The following CDC14A variants were observed in gnomAD, a reference collection of about 807,000 sequenced individuals.
CDC14A encodes dual specificity protein phosphatase CDC14A.
In CDC14A, 53 loss-of-function variants were observed where a neutral mutation model predicts 74.4. The ratio of observed to expected loss-of-function variants is 0.71; its 90% CI spans 0.57 to 0.89. The LOEUF (loss-of-function observed/expected upper bound fraction) is 0.89, where lower values mean the gene tolerates loss of function less well. CDC14A is among the 40% of genes least tolerant of loss of function. CDC14A has a pLI of 0.00. For synonymous variants in CDC14A, 247 were observed against 258.4 expected (o/e 0.96, Z 0.43); for missense variants, 646 against 713.7 (o/e 0.91, Z 1.08).
intron 4 of CDC14A, chr1:100,393,601 C>T (rs1159477453): frequency 1.4e-6 from 1 of 691,458 alleles, no homozygotes. Context: ...TACTTCTCCA[C>T]CAGCACTGCA....
At chr1:100,389,801 G>A (rs1657434082) in intron 3 of CDC14A, among the ~76,000 whole-genome samples, 1 of 152,090 alleles carries the variant, frequency 6.6e-6, no homozygotes. Context: ...ATACTGAAAT[G>A]TACTTTTGTG....
intron 11 of CDC14A, among the ~76,000 whole-genome samples, chr1:100,489,581 TG>T (rs1166956015): frequency 2.6e-5 from 1 of 38,578 alleles, no homozygotes; most frequent in African/African-American, 4.7e-5. Flanking sequence ...TCATCACTCA[TG>T]TTTTTTTTTT....
At chr1:100,462,973 CTT>C in intron 9 of CDC14A, 92 bp downstream of exon 9, 2 of 865,500 alleles carry the variant, frequency 2.3e-6, no homozygotes. Flanking sequence ...TGTTTAGTGT[CTT>C]AGAAAAACAA....
intron 5 of CDC14A, among the ~76,000 whole-genome samples, chr1:100,433,333 G>A (rs546608422): frequency 1.3e-5 from 2 of 152,254 alleles, no homozygotes; most frequent in South Asian, 4.2e-4. Context: ...TATACTCTGG[G>A]CCAATAGACA....
intron 6 of CDC14A, among the ~76,000 whole-genome samples, chr1:100,442,398 AATAT>A (rs907670102): frequency 6.8e-6 from 1 of 146,784 alleles, no homozygotes; most frequent in African/African-American, 2.5e-5. Context: ...ATTATATATA[AATAT>A]ATATATTCTC....
intron 2 of CDC14A, among the ~76,000 whole-genome samples, chr1:100,358,227 T>C (rs1652190534): frequency 6.6e-6 from 1 of 152,172 alleles, no homozygotes; most frequent in Non-Finnish European, 1.5e-5. Context: ...AAGCTACAAA[T>C]AACACACCAC....
rs946671796 is a variant in CDC14A at position 100,484,865 on chromosome 1, G to C, written c.1137+414G>C. The C allele has an allele frequency of 4.1e-6, 4 of 983,052 alleles. No homozygotes were observed. The African/African-American group carries it at 7.2e-5, about 18-fold the overall frequency. 60.9% of individuals were successfully genotyped at this position (983,052 alleles called of 1,614,324 possible). On this transcript the variant is annotated intron_variant, in intron 11 of 15. Transcript: ENST00000336454. ...AAGTGCCAACTTGAAAACATGATTA[G>C]GGCACTTTTTTAAAAAAAAATTAAG...
At chr1:100,363,146 C>G (rs780767934) in intron 2 of CDC14A, 4 of 152,230 alleles carry the variant, frequency 2.6e-5, no homozygotes, top group South Asian at 4.1e-4. Context: ...CGGCCAGTGC[C>G]GTCTTGTCTG....
intron 11 of CDC14A, among the ~76,000 whole-genome samples, chr1:100,491,578 T>A (rs1215636753): frequency 9.6e-4 from 100 of 103,814 alleles, no homozygotes; most frequent in Non-Finnish European, 1.3e-3. Flanking sequence ...ATATATTTTT[T>A]TTTTTTTTTT....
intron 4 of CDC14A, among the ~76,000 whole-genome samples, chr1:100,412,771 TA>T (rs1231341936): frequency 0.023 from 2,841 of 123,640 alleles, 128 homozygotes; most frequent in Non-Finnish European, 0.034. Flanking sequence ...ATATATATTA[TA>T]TATATATATA....
At chr1:100,515,413 T>C (rs923320385) in intron 15 of CDC14A, among the ~76,000 whole-genome samples, 14 of 151,424 alleles carry the variant, frequency 9.2e-5, no homozygotes, top group African/African-American at 3.4e-4. Context: ...AGACGGAGTT[T>C]TGCTGTGTCA....
At chr1:100,502,788 G>C (rs557267517) in intron 15 of CDC14A, among the ~76,000 whole-genome samples, 1 of 152,054 alleles carries the variant, frequency 6.6e-6, no homozygotes, top group Non-Finnish European at 1.5e-5. Context: ...TTTGGGTCTC[G>C]TTCCGTATTT....
chr1:100,517,997 TA>T (rs1327288171), intron 15 of CDC14A, among the ~76,000 whole-genome samples: 7 of 152,216 alleles, frequency 4.6e-5, no homozygotes, highest in African/African-American at 1.7e-4. Flanking sequence ...AATTAAAACT[TA>T]ATTTTTTAAT....
intron 6 of CDC14A, among the ~76,000 whole-genome samples, chr1:100,441,403 G>A (rs945701300): frequency 6.6e-6 from 1 of 152,120 alleles, no homozygotes; most frequent in Non-Finnish European, 1.5e-5. Context: ...GTGTGGCAAC[G>A]AGTAGTACCA....
chr1:100,420,447 G>A (rs545224666), intron 4 of CDC14A, among the ~76,000 whole-genome samples: 2 of 152,120 alleles, frequency 1.3e-5, no homozygotes, highest in Admixed American at 6.5e-5. Flanking sequence ...ATTTGCAGAT[G>A]AATTCTAAGA....
Position 100,406,152 on chromosome 1 carries a change from T to A in CDC14A, c.309+15328T>A, listed in dbSNP as rs9727091. Among the ~76,000 whole-genome samples the A allele has an allele frequency of 4.1e-3, 628 of 152,358 alleles. 6 individuals are homozygous for A. Among genetic ancestry groups the A allele is most frequent in the African/African-American group, 0.014 (583 of 41,582 alleles). ...CAGTGATGTTGAGCTTTTTTTCATATGTTTGTTGGCCGCAAATATATCTTC... is the reference window on the plus strand; with the variant it reads ...CAGTGATGTTGAGCTTTTTTTCATAAGTTTGTTGGCCGCAAATATATCTTC... On this transcript the variant is annotated intron_variant, in intron 4 of 15. Transcript: ENST00000336454.
rs761478098 is a variant in CDC14A, at chr1:100,352,917, C to A, written c.-38C>A. The A allele has an allele frequency of 6.2e-7, 1 of 1,613,112 alleles. No homozygotes were observed. On this transcript the variant is annotated 5_prime_UTR_variant, in exon 1 of 16. Transcript: ENST00000336454. The stretch of plus-strand genomic sequence containing the variant: ...CCCGGGGGCGAGTGACTTCAGCTGG[C>A]CACGACCCAGCCCTCCCCCGTGCGT...
chr1:100,509,739 G>A (rs933901405), intron 15 of CDC14A, among the ~76,000 whole-genome samples: 1 of 152,202 alleles, frequency 6.6e-6, no homozygotes, highest in African/African-American at 2.4e-5. Context: ...GGCTCTCCTT[G>A]ATAGTGAATG....
At chr1:100,391,617 C>T (rs927934181) in intron 4 of CDC14A, among the ~76,000 whole-genome samples, 6 of 152,144 alleles carry the variant, frequency 3.9e-5, no homozygotes, top group African/African-American at 4.8e-5. Flanking sequence ...GGGGAGGGCT[C>T]GTGCTCCTCT....
Sources: allele counts gnomAD v4.1 joint callset (sites outside exome capture counted in the v4.1 genomes callset), GRCh38; gene constraint gnomAD v4.1.1; transcripts MANE v1.5; gene names NCBI Gene and HGNC (gene_info 2026-07-23, HGNC 2026-07-21).